The following ANKRD26 variants were observed in gnomAD, a reference collection of about 807,000 sequenced individuals.
The protein encoded by ANKRD26 is ankyrin repeat domain-containing protein 26.
In ANKRD26, 141 loss-of-function variants were observed where a neutral mutation model predicts 208.7. The ratio of observed to expected loss-of-function variants is 0.68; its 90% CI spans 0.59 to 0.78. The LOEUF (loss-of-function observed/expected upper bound fraction) is 0.78, where lower values mean the gene tolerates loss of function less well. Ranked by LOEUF, ANKRD26 falls within the 30% of genes least tolerant of loss-of-function variation. The pLI is 0.00. For missense variants in ANKRD26, 1,889 were observed against 1,938.7 expected (o/e 0.97, Z 0.48); for synonymous variants, 636 against 660.4 (o/e 0.96, Z 0.57).
At chr10:26,973,591 T>C (rs1353127651), downstream of ANKRD26, among the ~76,000 whole-genome samples, 2 of 151,568 alleles carry the variant, frequency 1.3e-5, no homozygotes, top group Non-Finnish European at 2.9e-5. Flanking sequence ...ATTCAATTTA[T>C]TGTAATTATT....
At chr10:27,055,137 A>G (rs1046059489) in intron 15 of ANKRD26, among the ~76,000 whole-genome samples, 2 of 152,222 alleles carry the variant, frequency 1.3e-5, no homozygotes, top group African/African-American at 4.8e-5. Flanking sequence ...ATAGATGTAT[A>G]TATCTGGGTC....
intron 1 of ANKRD26, among the ~76,000 whole-genome samples, chr10:27,097,609 C>A (rs1402009460): frequency 6.6e-6 from 1 of 151,964 alleles, no homozygotes; most frequent in Non-Finnish European, 1.5e-5. Context: ...TAGAGTAATT[C>A]TTTTATTCTT....
the ANKRD26 span, among the ~76,000 whole-genome samples, chr10:26,955,342 G>A: frequency 8.6e-5 from 13 of 151,820 alleles, no homozygotes; most frequent in Non-Finnish European, 1.6e-4. Flanking sequence ...GCAGGATAAT[G>A]GCTTGAACCT....
the ANKRD26 span, among the ~76,000 whole-genome samples, chr10:26,963,000 G>A: frequency 7.3e-4 from 111 of 152,064 alleles, no homozygotes; most frequent in African/African-American, 2.6e-3. Flanking sequence ...AACCCTACTC[G>A]GTATACACTA....
the ANKRD26 span, among the ~76,000 whole-genome samples, chr10:26,949,055 A>T: frequency 6.6e-6 from 1 of 152,180 alleles, no homozygotes; most frequent in Non-Finnish European, 1.5e-5. Context: ...ACTTTGGGGC[A>T]TATCAGTGGG....
intron 27 of ANKRD26, among the ~76,000 whole-genome samples, chr10:27,028,208 TCA>T (rs1307106300): frequency 1.3e-5 from 2 of 152,154 alleles, no homozygotes; most frequent in Non-Finnish European, 2.9e-5. Flanking sequence ...GGACAGGATG[TCA>T]CAAGTGGAAA....
rs2054436414 is a variant in ANKRD26 at position 27,046,171 on chromosome 10, G to A, written c.1985+182C>T. Reference sequence around the variant, plus strand: ...TCTGTGCCCATCCACTATAGTCAGGGCTCCATGGTGACCATTTATTGAAAT... The same window carrying A: ...TCTGTGCCCATCCACTATAGTCAGGACTCCATGGTGACCATTTATTGAAAT... On this transcript the variant is annotated intron_variant, in intron 18 of 33. Coordinates refer to ENST00000376087, the MANE Select transcript of ANKRD26 (RefSeq NM_014915.3). 4 of 666,792 alleles carry A rather than the reference G, an allele frequency of 6.0e-6. No homozygotes were observed. The South Asian group carries it at 7.4e-5, about 12-fold the overall frequency. The allele number at this position is 666,792 out of a possible 1,614,324, so 41.3% of individuals were successfully genotyped here.
At chr10:27,064,473 G>C (rs1437030691) in intron 11 of ANKRD26, among the ~76,000 whole-genome samples, 2 of 152,024 alleles carry the variant, frequency 1.3e-5, no homozygotes, top group East Asian at 1.9e-4. Context: ...GGGGATGCCT[G>C]ATTAAGAGGG....
intron 4 of ANKRD26, among the ~76,000 whole-genome samples, chr10:27,091,684 G>A (rs896227414): frequency 6.6e-6 from 1 of 152,156 alleles, no homozygotes; most frequent in Non-Finnish European, 1.5e-5. Context: ...GGGTGAAGAA[G>A]TTCAATATTG....
downstream of ANKRD26, among the ~76,000 whole-genome samples, chr10:26,971,093 A>G (rs1415043355): frequency 1.3e-5 from 2 of 152,368 alleles, no homozygotes; most frequent in East Asian, 3.9e-4. Flanking sequence ...AAATCACTAA[A>G]GAATTTCACT....
intron 29 of ANKRD26, among the ~76,000 whole-genome samples, 177 bp from the exon 30 acceptor site, chr10:27,017,969 A>G (rs1428449449): frequency 6.6e-6 from 1 of 152,152 alleles, no homozygotes; most frequent in African/African-American, 2.4e-5. Context: ...ACAAAGTCAA[A>G]GCCACCAGGA....
At chr10:27,082,718 T>TGTCTAAC in intron 6 of ANKRD26, 85 bp downstream of exon 6, 6 of 1,488,402 alleles carry the variant, frequency 4.0e-6, no homozygotes, top group South Asian at 1.3e-5. Flanking sequence ...GCACATAATA[T>TGTCTAAC]GGTGTCTACC....
chr10:27,058,914 G>GTT (rs201450924), intron 15 of ANKRD26, among the ~76,000 whole-genome samples: 11,922 of 104,220 alleles, frequency 0.11, 561 homozygotes, highest in East Asian at 0.15. Flanking sequence ...TTTGTTTTTT[G>GTT]TTTTTTTGTT....
chr10:27,065,953 C>T (rs1166437375), intron 11 of ANKRD26, among the ~76,000 whole-genome samples: 1 of 146,896 alleles, frequency 6.8e-6, no homozygotes, highest in African/African-American at 2.5e-5. Flanking sequence ...ACAACCTCTG[C>T]CTCCCGGGTT....
At chr10:27,058,229 T>C (rs1170597231) in intron 15 of ANKRD26, among the ~76,000 whole-genome samples, 4 of 152,124 alleles carry the variant, frequency 2.6e-5, no homozygotes, top group Non-Finnish European at 5.9e-5. Flanking sequence ...ACCATACATA[T>C]GGTTTAAAAC....
At chr10:27,083,515 G>A (rs2056004409) in intron 5 of ANKRD26, among the ~76,000 whole-genome samples, 1 of 151,898 alleles carries the variant, frequency 6.6e-6, no homozygotes, top group Non-Finnish European at 1.5e-5. Flanking sequence ...CTTCAGGCCA[G>A]GAGTTTGAGA....
chr10:27,012,895 T>C lies in ANKRD26; in HGVS notation c.4940A>G (p.Asn1647Ser), dbSNP rs2053165056. 2 of 1,613,472 alleles carry C rather than the reference T, an allele frequency of 1.2e-6. No homozygotes were observed. Among genetic ancestry groups the C allele is most frequent in the African/African-American group, 2.7e-5 (2 of 74,914 alleles). The part of the protein sequence containing the change: ...NPRASNNSME[N>S]YLSKMQQELE... ...AACATAACTAACCTTGCTCAAGTAG[T>C]TCTCCATGCTATTATTTGAAGCCCG... Residue 1647 changes from asparagine to serine, a missense_variant, in exon 32 of 34, where the codon AAC becomes AGC. This residue lies in a region of ANKRD26 where 613 missense variants were observed against 648.2 expected (regional missense o/e 0.95). Coordinates refer to ENST00000376087, the MANE Select transcript of ANKRD26 (RefSeq NM_014915.3).
chr10:27,073,298 G>A (rs1289253145), intron 9 of ANKRD26, among the ~76,000 whole-genome samples: 1 of 152,170 alleles, frequency 6.6e-6, no homozygotes, highest in African/African-American at 2.4e-5. Flanking sequence ...ACACAGCTGG[G>A]GCTTTTCCCA....
downstream of ANKRD26, among the ~76,000 whole-genome samples, chr10:26,999,487 C>T (rs543394252): frequency 2.0e-4 from 30 of 152,228 alleles, no homozygotes; most frequent in African/African-American, 4.8e-4. Flanking sequence ...TGAACTGGTT[C>T]GGTCCACCTG....
Sources: gnomAD v4.1 joint callset for allele counts (sites outside exome capture counted in the v4.1 genomes callset) on GRCh38, gnomAD v4.1.1 for gene constraint, gnomAD v4.1.1 regional missense constraint, MANE v1.5 for transcripts, NCBI Gene and HGNC (gene_info 2026-07-23, HGNC 2026-07-21) for gene names.